FAXDC2: variants seen among roughly 807,000 people sequenced by gnomAD.
FAXDC2 encodes the protein fatty acid hydroxylase domain containing 2.
FAXDC2 carries 41 observed loss-of-function variants against 40.9 expected under a neutral mutation model. The ratio of observed to expected loss-of-function variants is 1.00; its 90% CI spans 0.78 to 1.30. The LOEUF is 1.30. Among genes scored for constraint, FAXDC2 ranks in the 50% most tolerant of loss-of-function variants. FAXDC2 has a pLI of 0.00. For synonymous variants in FAXDC2, 157 were observed against 149.3 expected (o/e 1.05, Z -0.38); for missense variants, 390 against 408.8 (o/e 0.95, Z 0.40).
chr5:154,847,292 T>C (rs1164593720), intron 1 of FAXDC2, among the ~76,000 whole-genome samples: 3 of 152,070 alleles, frequency 2.0e-5, no homozygotes, highest in Non-Finnish European at 4.4e-5. Flanking sequence ...ATTCTCAGTA[T>C]GCAGGCTTTT....
rs1374038758 is a variant in FAXDC2, at chr5:154,823,610, G to C, written c.367-18C>G. On this transcript the variant is annotated intron_variant, in intron 5 of 8. Coordinates refer to ENST00000326080, the MANE Select transcript of FAXDC2 (RefSeq NM_032385.5). The stretch of plus-strand genomic sequence containing the variant: ...GGATCCACCTGCCCAAGGGAAGGGA[G>C]GAGGGAGATGGATAAGAGTGTGAGA... 1 of 1,601,158 alleles carries C rather than the reference G, an allele frequency of 6.2e-7. No homozygotes were observed. The highest frequency in any genetic ancestry group is 2.2e-5 in the East Asian group (1 of 44,818).
chr5:154,834,977 G>T (rs770066327), intron 2 of FAXDC2, 43 bp from the exon 3 acceptor site: 1 of 1,263,102 alleles, frequency 7.9e-7, no homozygotes, highest in Non-Finnish European at 1.1e-6. Flanking sequence ...CAAGCCTCCT[G>T]CCTTTACACC....
chr5:154,825,650 C>CAAAA (rs386358555), intron 5 of FAXDC2, among the ~76,000 whole-genome samples: 1,854 of 30,118 alleles, frequency 0.062, 382 homozygotes, highest in East Asian at 0.099. Flanking sequence ...GACTCCGTCT[C>CAAAA]AAAAAAAAAA....
chr5:154,848,671 A>C (rs2113177519), intron 1 of FAXDC2, among the ~76,000 whole-genome samples: 1 of 152,336 alleles, frequency 6.6e-6, no homozygotes, highest in Non-Finnish European at 1.5e-5. Context: ...TATTCATTTA[A>C]GAAGATGAAA....
intron 4 of FAXDC2, among the ~76,000 whole-genome samples, chr5:154,832,453 G>A (rs994307899): frequency 5.3e-5 from 8 of 151,998 alleles, no homozygotes; most frequent in East Asian, 1.9e-4. Context: ...CGCCTGCCTC[G>A]GCCTCCCAAA....
intron 5 of FAXDC2, among the ~76,000 whole-genome samples, chr5:154,826,944 T>TA (rs1013556489): frequency 6.6e-6 from 1 of 152,220 alleles, no homozygotes; most frequent in African/African-American, 2.4e-5. Context: ...GCATAATTCT[T>TA]ACATTATTTT....
At chr5:154,845,086 C>A (rs546755561) in intron 1 of FAXDC2, among the ~76,000 whole-genome samples, 1 of 152,326 alleles carries the variant, frequency 6.6e-6, no homozygotes, top group South Asian at 2.1e-4. Context: ...TCTTTAGTTA[C>A]GCCAATATGG....
intron 4 of FAXDC2, 114 bp from the exon 5 acceptor site, chr5:154,831,036 A>T: frequency 7.3e-7 from 1 of 1,376,046 alleles, no homozygotes; most frequent in Non-Finnish European, 1.0e-6. Flanking sequence ...TTTCTTTGCC[A>T]GGGAGGTCTT....
At chr5:154,823,325 G>T in intron 6 of FAXDC2, 62 bp downstream of exon 6, 1 of 1,509,788 alleles carries the variant, frequency 6.6e-7, no homozygotes, top group Non-Finnish European at 9.2e-7. Context: ...CAGTTTCCTT[G>T]TTGATCAGTG....
chr5:154,838,318 C>A, intron 1 of FAXDC2, 140 bp from the exon 2 acceptor site: 1 of 702,524 alleles, frequency 1.4e-6, no homozygotes, highest in Non-Finnish European at 2.4e-6. Flanking sequence ...TTCCTGAAAC[C>A]AGACAAATTG....
chr5:154,849,541 T>TA (rs1401668644), intron 1 of FAXDC2, among the ~76,000 whole-genome samples: 2 of 152,152 alleles, frequency 1.3e-5, no homozygotes, highest in African/African-American at 4.8e-5. Context: ...AAATAAGAGA[T>TA]ACACGAATCA....
At chr5:154,838,295 T>C (rs1464751184) in intron 1 of FAXDC2, 117 bp from the exon 2 acceptor site, 3 of 863,742 alleles carry the variant, frequency 3.5e-6, no homozygotes, top group Non-Finnish European at 5.4e-6. Context: ...AAAAAAAAAT[T>C]GGCTTGTTGT....
At chr5:154,848,079 T>C (rs1398115612) in intron 1 of FAXDC2, among the ~76,000 whole-genome samples, 2 of 152,184 alleles carry the variant, frequency 1.3e-5, no homozygotes, top group Non-Finnish European at 2.9e-5. Flanking sequence ...GACCTTGTGA[T>C]CCGCCCGCCT....
At position 154,822,521 on chromosome 5, in the gene FAXDC2, G is replaced by T; in HGVS notation, c.629C>A (p.Thr210Lys). Residue 210 changes from threonine to lysine, a missense_variant, in exon 7 of 9, where the codon ACA (threonine) becomes AAA (lysine). Transcript: ENST00000326080. The part of the protein sequence containing the change: ...KKIHKKHHEW[T>K]APIGVISLYA... ...GAGAGAGATCACGCCAATGGGAGCT[G>T]TCCACTCATGGTGTTTCTTGTGGAT... The T allele has an allele frequency of 6.2e-7, 1 of 1,614,148 alleles. No homozygotes were observed. The highest frequency in any genetic ancestry group is 8.5e-7 in the Non-Finnish European group (1 of 1,180,000).
intron 1 of FAXDC2, among the ~76,000 whole-genome samples, chr5:154,842,527 T>G (rs1483525372): frequency 4.1e-4 from 52 of 127,444 alleles, no homozygotes; most frequent in Non-Finnish European, 7.3e-4. Flanking sequence ...TTTTTTTTTT[T>G]TTTTTTTTTT....
Position 154,823,454 on chromosome 5 carries a change from G to A in FAXDC2, c.505C>T (p.His169Tyr), listed in dbSNP as rs1759937632. ...DPCRRELPTF[H>Y]WFLLELAIFT... is the part of the protein sequence containing the mutation. ...ATGGCCAGCTCCAGGAGGAACCAGTGGAAGGTGGGTAGCTCACGGCGGCAG... is the reference window on the plus strand; with the variant it reads ...ATGGCCAGCTCCAGGAGGAACCAGTAGAAGGTGGGTAGCTCACGGCGGCAG... The change falls in exon 6 of 9, where the codon CAC (histidine) becomes TAC (tyrosine). Residue 169 changes from histidine to tyrosine, a missense_variant. Physicochemically the swap from His to Tyr is moderately conservative, Grantham distance 83. Coordinates refer to ENST00000326080, the MANE Select transcript of FAXDC2 (RefSeq NM_032385.5). The A allele has an allele frequency of 6.2e-7, 1 of 1,614,050 alleles. No individual in the cohort carries two copies. Among genetic ancestry groups the A allele is most frequent in the African/African-American group, 1.3e-5 (1 of 74,928 alleles).
At chr5:154,843,497 G>C (rs1385734638) in intron 1 of FAXDC2, among the ~76,000 whole-genome samples, 2 of 152,182 alleles carry the variant, frequency 1.3e-5, no homozygotes, top group African/African-American at 2.4e-5. Flanking sequence ...TGGGCTAGAG[G>C]TCTATGCCAG....
intron 1 of FAXDC2, among the ~76,000 whole-genome samples, chr5:154,847,997 G>T (rs1051657727): frequency 6.6e-6 from 1 of 151,684 alleles, no homozygotes; most frequent in Admixed American, 6.6e-5. Flanking sequence ...CTGCCACCAC[G>T]CCTGGCTAAT....
intron 5 of FAXDC2, among the ~76,000 whole-genome samples, chr5:154,826,338 G>T (rs993783968): frequency 6.6e-6 from 1 of 151,950 alleles, no homozygotes; most frequent in African/African-American, 2.4e-5. Flanking sequence ...GACCAGCCTG[G>T]GCATCTTGGT....
Sources: allele counts gnomAD v4.1 joint callset (sites outside exome capture counted in the v4.1 genomes callset), GRCh38; gene constraint gnomAD v4.1.1; transcripts MANE v1.5; gene names NCBI Gene and HGNC (gene_info 2026-07-23, HGNC 2026-07-21).